Variants in SLC9C1 observed in about 807,000 individuals in gnomAD.
SLC9C1 encodes sodium/hydrogen exchanger 10.
SLC9C1 carries 97 observed loss-of-function variants against 140.9 expected under a neutral mutation model. The ratio of observed to expected loss-of-function variants is 0.69; its 90% CI spans 0.58 to 0.82. The LOEUF is 0.82. Ranked by LOEUF, SLC9C1 falls within the 40% of genes least tolerant of loss-of-function variation. The pLI is 0.00. For synonymous variants in SLC9C1, 440 were observed against 442.6 expected (o/e 0.99, Z 0.07); for missense variants, 1,340 against 1,389.3 (o/e 0.96, Z 0.56).
At chr3:112,233,612 G>T (rs56135565) in intron 12 of SLC9C1, among the ~76,000 whole-genome samples, 1 of 149,818 alleles carries the variant, frequency 6.7e-6, no homozygotes. Context: ...GGTATCTCTC[G>T]TAATGCTATC....
chr3:112,243,892 A>G (rs1227082607), intron 11 of SLC9C1, 103 bp downstream of exon 11: 2 of 731,366 alleles, frequency 2.7e-6, no homozygotes, highest in East Asian at 3.0e-5. Context: ...GGGTCTCACT[A>G]TGTTGCCTAG....
chr3:112,207,331 A>G (rs1173625401), intron 16 of SLC9C1, among the ~76,000 whole-genome samples: 1 of 152,190 alleles, frequency 6.6e-6, no homozygotes, highest in Non-Finnish European at 1.5e-5. Flanking sequence ...ATGTTTGCAC[A>G]GTACTTTGTC....
intron 14 of SLC9C1, among the ~76,000 whole-genome samples, chr3:112,219,139 GTAT>G (rs1271874121): frequency 4.6e-5 from 7 of 152,162 alleles, no homozygotes; most frequent in Non-Finnish European, 8.8e-5. Flanking sequence ...TGTGCTCAAA[GTAT>G]TATTTTTTAG....
chr3:112,144,166 T>C (rs887254588), intron 28 of SLC9C1, among the ~76,000 whole-genome samples: 128 of 140,706 alleles, frequency 9.1e-4, no homozygotes, highest in African/African-American at 3.2e-3. Context: ...AGTATTGTGA[T>C]GCCCTGGCTT....
At chr3:112,239,785 A>G (rs540065660) in intron 12 of SLC9C1, 55 bp downstream of exon 12, 3 of 1,415,106 alleles carry the variant, frequency 2.1e-6, no homozygotes, top group East Asian at 2.4e-5. Flanking sequence ...TCTGATTTAT[A>G]CTTCAGTATA....
At position 112,169,305 on chromosome 3, in the gene SLC9C1, G is replaced by A. The variant is rs769386846; in HGVS notation, c.2943C>T (p.His981=). ...VVETCFIPKT[H]LYDAFEQCSP... The stretch of plus-strand genomic sequence containing the variant: ...AGCATTGCTCAAAAGCATCATACAA[G>A]TGAGTTTTGGGAATAAAACATGTCT... Residue 981 remains histidine, a synonymous_variant, in exon 24 of 29, where the codon CAC becomes CAT. Coordinates refer to ENST00000305815, the MANE Select transcript of SLC9C1 (RefSeq NM_183061.3). The A allele has an allele frequency of 4.3e-6, 7 of 1,610,704 alleles. No individual in the cohort carries two copies. Among genetic ancestry groups the A allele is most frequent in the African/African-American group, 2.7e-5 (2 of 74,784 alleles).
chr3:112,168,811 C>T, intron 25 of SLC9C1, 66 bp downstream of exon 25: 1 of 1,374,536 alleles, frequency 7.3e-7, no homozygotes, highest in Non-Finnish European at 9.8e-7. Context: ...GACAGTTTTT[C>T]TGACGTTAAT....
chr3:112,232,630 C>T (rs1181601220), intron 12 of SLC9C1, among the ~76,000 whole-genome samples: 1 of 152,040 alleles, frequency 6.6e-6, no homozygotes, highest in Non-Finnish European at 1.5e-5. Context: ...GTTGGCCCCT[C>T]ATATTGTGTT....
At chr3:112,230,805 C>G (rs2078800790) in intron 13 of SLC9C1, among the ~76,000 whole-genome samples, 1 of 152,116 alleles carries the variant, frequency 6.6e-6, no homozygotes, top group Non-Finnish European at 1.5e-5. Context: ...TGAAAACTAG[C>G]CTATTAGCAA....
intron 20 of SLC9C1, among the ~76,000 whole-genome samples, chr3:112,194,563 GT>G (rs2077731078): frequency 6.6e-6 from 1 of 152,106 alleles, no homozygotes; most frequent in South Asian, 2.1e-4. Context: ...CTACATTTTA[GT>G]TATTGTGAAT....
At chr3:112,216,310 A>T (rs2078366557) in intron 15 of SLC9C1, among the ~76,000 whole-genome samples, 1 of 152,156 alleles carries the variant, frequency 6.6e-6, no homozygotes, top group Admixed American at 6.5e-5. Flanking sequence ...GGACTTCAGG[A>T]CTAAAACACC....
Position 112,277,708 on chromosome 3 carries a change from A to G in SLC9C1, c.471T>C (p.Ala157=). The G allele has an allele frequency of 6.3e-7, 1 of 1,589,902 alleles. No homozygotes were observed. Among genetic ancestry groups the G allele is most frequent in the Non-Finnish European group, 8.5e-7 (1 of 1,170,712 alleles). ...VSSDPMLTAA[A]IRDLGLSRSL... ...CAATATACCTACCAAGGTCTCTTATAGCAGCTGCGGTTAGCATGGGATCTG... is the reference window on the plus strand; with the variant it reads ...CAATATACCTACCAAGGTCTCTTATGGCAGCTGCGGTTAGCATGGGATCTG... Residue 157 remains alanine, a synonymous_variant, in exon 5 of 29, where the codon GCT becomes GCC. Transcript: ENST00000305815.
intron 27 of SLC9C1, among the ~76,000 whole-genome samples, chr3:112,153,998 C>A (rs1576215070): frequency 6.6e-6 from 1 of 152,156 alleles, no homozygotes; most frequent in African/African-American, 2.4e-5. Flanking sequence ...AAAGCCAGGG[C>A]ACTTGGATGA....
chr3:112,264,045 CA>C (rs11359509), intron 9 of SLC9C1, among the ~76,000 whole-genome samples, 154 bp downstream of exon 9: 44,654 of 149,056 alleles, frequency 0.3, 6,776 homozygotes, highest in East Asian at 0.37. Context: ...AGTTAAAAGC[CA>C]AAAAAAAATT....
intron 12 of SLC9C1, among the ~76,000 whole-genome samples, chr3:112,237,567 T>C (rs1329976765): frequency 6.6e-6 from 1 of 152,220 alleles, no homozygotes; most frequent in Non-Finnish European, 1.5e-5. Flanking sequence ...GTCTTTACAA[T>C]TTGGCATGTT....
At chr3:112,239,759 G>A (rs2079090477) in intron 12 of SLC9C1, 81 bp downstream of exon 12, 2 of 1,267,526 alleles carry the variant, frequency 1.6e-6, no homozygotes, top group African/African-American at 1.5e-5. Context: ...TAAAACTTGT[G>A]AATTAATATT....
intron 20 of SLC9C1, among the ~76,000 whole-genome samples, chr3:112,187,930 G>T (rs568877291): frequency 1.0e-3 from 158 of 151,682 alleles, no homozygotes; most frequent in African/African-American, 3.6e-3. Flanking sequence ...GTGTATCTTG[G>T]TGAATTTTTT....
intron 15 of SLC9C1, 72 bp downstream of exon 15, chr3:112,217,370 C>T: frequency 2.0e-6 from 3 of 1,486,124 alleles, no homozygotes; most frequent in South Asian, 1.5e-5. Context: ...TTCAAGATAC[C>T]ATTTTAAAAG....
intron 10 of SLC9C1, among the ~76,000 whole-genome samples, chr3:112,250,138 C>T (rs2079410856): frequency 6.6e-6 from 1 of 150,894 alleles, no homozygotes; most frequent in Non-Finnish European, 1.5e-5. Context: ...GTTCAATTCC[C>T]ACCTATGAGT....
Sources: allele counts gnomAD v4.1 joint callset (sites outside exome capture counted in the v4.1 genomes callset), GRCh38; gene constraint gnomAD v4.1.1; transcripts MANE v1.5; gene names NCBI Gene and HGNC (gene_info 2026-07-23, HGNC 2026-07-21).